The following CFAP61 variants were observed in gnomAD, a reference collection of about 807,000 sequenced individuals.
CFAP61 encodes the protein cilia and flagella associated protein 61.
Under a neutral mutation model 135.6 loss-of-function variants are expected in CFAP61, and 107 were observed. The ratio of observed to expected loss-of-function variants is 0.79; its 90% CI spans 0.67 to 0.93. The LOEUF is 0.93. CFAP61 is among the 40% of genes least tolerant of loss of function. The pLI is 0.00. For synonymous variants in CFAP61, 575 were observed against 578.5 expected (o/e 0.99, Z 0.09); for missense variants, 1,507 against 1,556.2 (o/e 0.97, Z 0.53).
chr20:20,121,457 T>G (rs1194288783), intron 8 of CFAP61, among the ~76,000 whole-genome samples: 1 of 151,924 alleles, frequency 6.6e-6, no homozygotes, highest in Non-Finnish European at 1.5e-5. Context: ...TTCATTGTTA[T>G]TAATGATAAG....
At chr20:20,090,209 C>T (rs1448802695) in intron 6 of CFAP61, among the ~76,000 whole-genome samples, 1 of 152,150 alleles carries the variant, frequency 6.6e-6, no homozygotes, top group African/African-American at 2.4e-5. Context: ...TGCAATGTTC[C>T]ACTTCTAGGT....
At chr20:20,212,600 A>G (rs2047730393) in intron 17 of CFAP61, among the ~76,000 whole-genome samples, 2 of 151,998 alleles carry the variant, frequency 1.3e-5, no homozygotes, top group Non-Finnish European at 2.9e-5. Flanking sequence ...CTTTTTGTCC[A>G]TGAGCCCGAT....
At chr20:20,071,693 A>G (rs2045715888) in intron 3 of CFAP61, among the ~76,000 whole-genome samples, 1 of 152,172 alleles carries the variant, frequency 6.6e-6, no homozygotes, top group African/African-American at 2.4e-5. Flanking sequence ...TCAGAAGAAA[A>G]GGGAATGCCC....
chr20:20,078,628 G>C (rs565452756), intron 6 of CFAP61, among the ~76,000 whole-genome samples: 1 of 152,258 alleles, frequency 6.6e-6, no homozygotes, highest in South Asian at 2.1e-4. Flanking sequence ...GTCTTGCTGA[G>C]GGGGAGATTG....
At chr20:20,253,542 T>C in intron 20 of CFAP61, 1 of 481,272 alleles carries the variant, frequency 2.1e-6, no homozygotes, top group Admixed American at 2.1e-5. Flanking sequence ...TGTAAACCCT[T>C]ACGTTCAGCA....
chr20:20,209,293 G>A (rs560057849), intron 17 of CFAP61, among the ~76,000 whole-genome samples: 1 of 152,224 alleles, frequency 6.6e-6, no homozygotes, highest in East Asian at 1.9e-4. Context: ...TACCATATCT[G>A]CCCTTATTAT....
intron 9 of CFAP61, among the ~76,000 whole-genome samples, chr20:20,152,078 A>G (rs1230260615): frequency 6.6e-6 from 1 of 152,146 alleles, no homozygotes; most frequent in African/African-American, 2.4e-5. Flanking sequence ...CCTCAAACAA[A>G]ATAATTGCCA....
At chr20:20,249,154 C>T (rs968442035) in intron 19 of CFAP61, among the ~76,000 whole-genome samples, 5 of 152,190 alleles carry the variant, frequency 3.3e-5, no homozygotes, top group African/African-American at 1.2e-4. Flanking sequence ...ATATCACTTA[C>T]AGTCTTCGAT....
At chr20:20,179,393 A>G (rs1218063575) in intron 13 of CFAP61, among the ~76,000 whole-genome samples, 1 of 152,258 alleles carries the variant, frequency 6.6e-6, no homozygotes, top group Non-Finnish European at 1.5e-5. Flanking sequence ...TGACCCAGAC[A>G]AATGAAAAAC....
rs1180496472 is a variant in CFAP61, at chr20:20,070,879, C to G, written c.169C>G (p.Leu57Val). Residue 57 changes from leucine (L) to valine (V), a missense_variant, in exon 3 of 27, where the codon CTC (leucine) becomes GTC (valine). Transcript: ENST00000245957. Reference sequence around the variant, plus strand: ...AGAAAAGGCCAACCTTGCTGTTACCCTCTGCAATGACAAGGAGGAGATCAT... The same window carrying G: ...AGAAAAGGCCAACCTTGCTGTTACCGTCTGCAATGACAAGGAGGAGATCAT... ...LLEKANLAVT[L>V]CNDKEEIMAQ... The G allele has an allele frequency of 1.9e-6, 3 of 1,613,636 alleles. No homozygotes were observed. Among genetic ancestry groups the G allele is most frequent in the Non-Finnish European group, 2.5e-6 (3 of 1,179,862 alleles).
chr20:20,202,463 A>G (rs911280021), intron 17 of CFAP61, among the ~76,000 whole-genome samples: 4 of 152,248 alleles, frequency 2.6e-5, no homozygotes, highest in Non-Finnish European at 4.4e-5. Context: ...AGGATTATTT[A>G]TCGAGACCAT....
intron 15 of CFAP61, among the ~76,000 whole-genome samples, chr20:20,192,740 T>A (rs909516717): frequency 1.3e-5 from 2 of 152,164 alleles, no homozygotes; most frequent in Admixed American, 6.5e-5. Context: ...TAGACGTTGA[T>A]CACTTATTTC....
chr20:20,100,609 A>C (rs1283269375), intron 8 of CFAP61, among the ~76,000 whole-genome samples: 1 of 152,222 alleles, frequency 6.6e-6, no homozygotes, highest in Non-Finnish European at 1.5e-5. Context: ...ACACAAAGTA[A>C]GTCCTGAACA....
intron 22 of CFAP61, among the ~76,000 whole-genome samples, chr20:20,285,521 C>T (rs1272839211): frequency 6.6e-6 from 1 of 152,036 alleles, no homozygotes; most frequent in African/African-American, 2.4e-5. Flanking sequence ...TCAAATTGGA[C>T]AGTTTCTATT....
chr20:20,167,883 G>A (rs2146818318), intron 12 of CFAP61, among the ~76,000 whole-genome samples: 1 of 152,286 alleles, frequency 6.6e-6, no homozygotes, highest in East Asian at 1.9e-4. Flanking sequence ...ATTAGCTTCG[G>A]GAAGAGCAGG....
intron 9 of CFAP61, among the ~76,000 whole-genome samples, chr20:20,153,343 C>T (rs1012586496): frequency 1.3e-5 from 2 of 151,870 alleles, no homozygotes; most frequent in African/African-American, 4.8e-5. Flanking sequence ...CAAACCCAAA[C>T]CCAACAGAAG....
intron 8 of CFAP61, among the ~76,000 whole-genome samples, chr20:20,105,065 C>G (rs1341488444): frequency 6.6e-6 from 1 of 152,106 alleles, no homozygotes; most frequent in South Asian, 2.1e-4. Flanking sequence ...TCTATGGTAT[C>G]GTACTGCCTT....
intron 25 of CFAP61, among the ~76,000 whole-genome samples, chr20:20,334,286 C>A (rs1359524645): frequency 6.6e-6 from 1 of 152,144 alleles, no homozygotes; most frequent in East Asian, 1.9e-4. Context: ...ACCACCACAC[C>A]CTGCTAATTT....
At chr20:20,246,438 T>A (rs547623711) in intron 19 of CFAP61, among the ~76,000 whole-genome samples, 2 of 152,174 alleles carry the variant, frequency 1.3e-5, no homozygotes, top group African/African-American at 4.8e-5. Flanking sequence ...TGGGAAGACA[T>A]CTGCCCTGTT....
Sources: gnomAD v4.1 joint callset for allele counts (sites outside exome capture counted in the v4.1 genomes callset) on GRCh38, gnomAD v4.1.1 for gene constraint, MANE v1.5 for transcripts, NCBI Gene and HGNC (gene_info 2026-07-23, HGNC 2026-07-21) for gene names.